PCLO: variants seen among roughly 807,000 people sequenced by gnomAD.
The protein encoded by PCLO is piccolo presynaptic cytomatrix protein, also known as protein piccolo.
A neutral mutation model predicts 427.5 loss-of-function variants in PCLO; 82 were observed. That is an observed-to-expected ratio of 0.19 (90% CI 0.16 to 0.23). PCLO has a LOEUF of 0.23. PCLO is among the 10% of genes least tolerant of loss of function. The probability of loss-of-function intolerance (pLI) is 1.00; values close to 1 mark genes in which losing one functional copy is unlikely to be tolerated. For synonymous variants in PCLO, 2,357 were observed against 2,155.4 expected (o/e 1.09, Z -2.59); for missense variants, 6,239 against 6,115.9 (o/e 1.02, Z -0.67).
At chr7:82,873,819 G>T (rs1384179201) in intron 10 of PCLO, among the ~76,000 whole-genome samples, 2 of 126,850 alleles carry the variant, frequency 1.6e-5, no homozygotes, top group African/African-American at 2.7e-5. Flanking sequence ...GTTCTAGATT[G>T]GGGGGGTGGT....
chr7:83,090,705 C>T (rs1368929882), intron 3 of PCLO, among the ~76,000 whole-genome samples: 2 of 152,036 alleles, frequency 1.3e-5, no homozygotes, highest in African/African-American at 4.8e-5. Context: ...AACTATTATT[C>T]CCATTTTTAA....
intron 3 of PCLO, among the ~76,000 whole-genome samples, chr7:83,015,304 G>A (rs1217845284): frequency 6.6e-6 from 1 of 151,628 alleles, no homozygotes; most frequent in Non-Finnish European, 1.5e-5. Flanking sequence ...AAATTTCTGG[G>A]CTTTTAATGC....
chr7:83,111,301 G>A (rs970160146), intron 3 of PCLO, among the ~76,000 whole-genome samples: 1 of 152,134 alleles, frequency 6.6e-6, no homozygotes, highest in Admixed American at 6.5e-5. Context: ...TTCCCTCCAG[G>A]TGAGTGTGGG....
At chr7:82,999,274 T>A (rs1177438501) in intron 3 of PCLO, among the ~76,000 whole-genome samples, 1 of 143,976 alleles carries the variant, frequency 6.9e-6, no homozygotes, top group Non-Finnish European at 1.5e-5. Context: ...TATTACATAT[T>A]AAATATATAT....
At chr7:82,958,276 T>G (rs1795575193) in intron 4 of PCLO, among the ~76,000 whole-genome samples, 1 of 150,410 alleles carries the variant, frequency 6.6e-6, no homozygotes, top group Non-Finnish European at 1.5e-5. Flanking sequence ...ACAAACATAC[T>G]CCTTCCTTCC....
intron 9 of PCLO, among the ~76,000 whole-genome samples, chr7:82,900,581 T>C (rs141996236): frequency 3.3e-5 from 5 of 151,638 alleles, no homozygotes; most frequent in African/African-American, 7.2e-5. Context: ...ATTTCATACA[T>C]CTTTCAAAAA....
chr7:82,780,559 T>C (rs1790851389), intron 22 of PCLO, among the ~76,000 whole-genome samples: 1 of 152,206 alleles, frequency 6.6e-6, no homozygotes, highest in Non-Finnish European at 1.5e-5. Flanking sequence ...GTTTGTTTGT[T>C]TTGTTTTGAA....
intron 20 of PCLO, among the ~76,000 whole-genome samples, chr7:82,815,022 C>T (rs1006473035): frequency 6.6e-6 from 1 of 151,674 alleles, no homozygotes; most frequent in Non-Finnish European, 1.5e-5. Flanking sequence ...GTGTTTTGTA[C>T]TGAAAAAAAT....
chr7:82,959,050 T>C (rs1348798518), intron 4 of PCLO, among the ~76,000 whole-genome samples: 1 of 152,086 alleles, frequency 6.6e-6, no homozygotes, highest in Non-Finnish European at 1.5e-5. Flanking sequence ...GATAATGTCA[T>C]GTGTATTCTT....
chr7:83,091,240 T>C (rs1386877304), intron 3 of PCLO, among the ~76,000 whole-genome samples: 2 of 152,096 alleles, frequency 1.3e-5, no homozygotes, highest in Non-Finnish European at 2.9e-5. Context: ...TTAATGCTAA[T>C]CCATGTATGA....
chr7:82,866,698 C>A (rs1176029301), intron 10 of PCLO, among the ~76,000 whole-genome samples: 1 of 141,010 alleles, frequency 7.1e-6, no homozygotes, highest in East Asian at 2.0e-4. Context: ...ACACACACAC[C>A]CCTTTAATAT....
chr7:83,053,778 T>C (rs1221896132), intron 3 of PCLO, among the ~76,000 whole-genome samples: 1 of 151,918 alleles, frequency 6.6e-6, no homozygotes, highest in Non-Finnish European at 1.5e-5. Flanking sequence ...TGCAATAATA[T>C]TGAAATATTT....
intron 9 of PCLO, among the ~76,000 whole-genome samples, chr7:82,901,505 A>G (rs1584123014): frequency 6.6e-6 from 1 of 152,116 alleles, no homozygotes; most frequent in Non-Finnish European, 1.5e-5. Context: ...TATTCAGGAC[A>G]TAGGCATGGG....
At position 83,080,854 on chromosome 7, in the gene PCLO, C is replaced by A. The variant is rs1246590208; in HGVS notation, c.3300+53396G>T. On this transcript the variant is annotated intron_variant, in intron 3 of 24. Coordinates refer to ENST00000333891, the MANE Select transcript of PCLO (RefSeq NM_033026.6). The stretch of plus-strand genomic sequence containing the variant: ...AATCCTATATGTACTATCTTTTTCC[C>A]CATATATACATACCTATGAAAAAGT... 4.0e-5 allele frequency among the ~76,000 whole-genome samples: 6 copies of A among 151,650 alleles called. No homozygotes were observed. In the South Asian group the frequency reaches 1.0e-3, roughly 26 times the overall value.
intron 22 of PCLO, among the ~76,000 whole-genome samples, chr7:82,773,536 ACTGT>A (rs1362444445): frequency 6.6e-6 from 1 of 152,126 alleles, no homozygotes; most frequent in Non-Finnish European, 1.5e-5. Context: ...GTTTTAACTG[ACTGT>A]CTGGTTTTAT....
At position 82,955,564 on chromosome 7, in the gene PCLO, G is replaced by C. The variant is rs1242744790; in HGVS notation, c.5389C>G (p.Gln1797Glu). 2 of 1,613,884 alleles carry C rather than the reference G, an allele frequency of 1.2e-6. No homozygotes were observed. The highest frequency in any genetic ancestry group is 1.1e-5 in the South Asian group (1 of 91,086). ...TTACTAGAACTCTTTCTTTGTTGCT[G>C]TTCTATTTCCCTCTGCTTTTCTTGC... The part of the protein sequence containing the change: ...KEQEKQREIE[Q>E]QQRKSSSKKS... The change falls in exon 5 of 25, where the codon CAG (glutamine) becomes GAG (glutamate). Residue 1797 changes from glutamine (Q) to glutamate (E), a missense_variant. Physicochemically the swap from Gln to Glu is conservative, Grantham distance 29 (BLOSUM62 2). Transcript: ENST00000333891.
chr7:82,837,923 T>C (rs1253010741), intron 15 of PCLO, among the ~76,000 whole-genome samples: 1 of 151,966 alleles, frequency 6.6e-6, no homozygotes, highest in Non-Finnish European at 1.5e-5. Context: ...CCTTAAATGA[T>C]TTCATAGTGA....
At chr7:82,991,883 A>G (rs1025679254) in intron 3 of PCLO, among the ~76,000 whole-genome samples, 1 of 152,086 alleles carries the variant, frequency 6.6e-6, no homozygotes, top group Non-Finnish European at 1.5e-5. Flanking sequence ...ATATATTCCT[A>G]TAGGTACTTT....
At position 82,845,449 on chromosome 7, in the gene PCLO, T is replaced by A. The variant is rs191697351; in HGVS notation, c.13868A>T (p.Gln4623Leu). The A allele has an allele frequency of 3.7e-5, 59 of 1,613,060 alleles. No homozygotes were observed. Among genetic ancestry groups the A allele is most frequent in the Admixed American group, 1.8e-4 (11 of 59,874 alleles). ...AACCTTCTGGAGTTCTGCTGCCAAC[T>A]GCTTAGGATCAACCCCTGGGGATTT... ...KAKSPGVDPKQLAAELQKVSL... is the reference protein window; with the variant it reads ...KAKSPGVDPKLLAAELQKVSL... The change falls in exon 13 of 25, where the codon CAG becomes CTG. Residue 4623 changes from glutamine (Q) to leucine (L), a missense_variant. Transcript: ENST00000333891.
Sources: allele counts gnomAD v4.1 joint callset (sites outside exome capture counted in the v4.1 genomes callset), GRCh38; gene constraint gnomAD v4.1.1; transcripts MANE v1.5; gene names NCBI Gene and HGNC (gene_info 2026-07-23, HGNC 2026-07-21).